CNTNAP2: variants seen among roughly 807,000 people sequenced by gnomAD.
The protein encoded by CNTNAP2 is contactin-associated protein-like 2.
A neutral mutation model predicts 155.2 loss-of-function variants in CNTNAP2; 98 were observed. The ratio of observed to expected loss-of-function variants is 0.63; its 90% CI spans 0.54 to 0.75. The LOEUF (loss-of-function observed/expected upper bound fraction) is 0.75. Ranked by LOEUF, CNTNAP2 falls within the 30% of genes least tolerant of loss-of-function variation. CNTNAP2 has a pLI of 0.00. For synonymous variants in CNTNAP2, 651 were observed against 631.2 expected (o/e 1.03, Z -0.47); for missense variants, 1,727 against 1,688.1 (o/e 1.02, Z -0.40).
At chr7:146,979,654 A>G (rs555266339) in intron 3 of CNTNAP2, among the ~76,000 whole-genome samples, 3 of 152,160 alleles carry the variant, frequency 2.0e-5, no homozygotes, top group Non-Finnish European at 2.9e-5. Flanking sequence ...GTGTTGAGCC[A>G]TAAGTCCAAA....
chr7:146,619,912 A>C (rs1799289685), intron 1 of CNTNAP2, among the ~76,000 whole-genome samples: 1 of 152,210 alleles, frequency 6.6e-6, no homozygotes, highest in Admixed American at 6.5e-5. Flanking sequence ...GGATCCACAC[A>C]GTGCTGGAGA....
At chr7:146,317,422 T>C (rs56389912) in intron 1 of CNTNAP2, among the ~76,000 whole-genome samples, 2,931 of 152,308 alleles carry the variant, frequency 0.019, 87 homozygotes, top group African/African-American at 0.063. Flanking sequence ...TTTTCCTGCA[T>C]GTTGTACCTG....
chr7:146,491,262 C>A (rs1031153068), intron 1 of CNTNAP2, among the ~76,000 whole-genome samples: 5 of 152,020 alleles, frequency 3.3e-5, no homozygotes, highest in Non-Finnish European at 7.4e-5. Context: ...TGTATTGCCC[C>A]TTTTATCCCA....
At chr7:146,940,497 A>AT (rs763188376) in intron 3 of CNTNAP2, among the ~76,000 whole-genome samples, 6 of 151,794 alleles carry the variant, frequency 4.0e-5, no homozygotes, top group Non-Finnish European at 7.4e-5. Context: ...CCAGCCCCTT[A>AT]TTTTTTTAAC....
At chr7:147,408,483 G>A (rs574144452) in intron 10 of CNTNAP2, among the ~76,000 whole-genome samples, 16 of 152,334 alleles carry the variant, frequency 1.1e-4, no homozygotes, top group Non-Finnish European at 2.1e-4. Context: ...CCTTGCGGCC[G>A]GGTGTGGTGG....
intron 14 of CNTNAP2, among the ~76,000 whole-genome samples, chr7:147,920,064 A>G (rs1476138651): frequency 6.6e-6 from 1 of 151,776 alleles, no homozygotes; most frequent in Non-Finnish European, 1.5e-5. Context: ...AGAAACCTTA[A>G]AAAGTATGCC....
intron 1 of CNTNAP2, among the ~76,000 whole-genome samples, chr7:146,516,647 C>T (rs1797545992): frequency 6.6e-6 from 1 of 151,890 alleles, no homozygotes; most frequent in South Asian, 2.1e-4. Flanking sequence ...TCTCTTGACT[C>T]TGCAACTAAC....
intron 5 of CNTNAP2, among the ~76,000 whole-genome samples, chr7:147,113,198 T>C (rs1800918496): frequency 6.6e-6 from 1 of 152,072 alleles, no homozygotes; most frequent in African/African-American, 2.4e-5. Context: ...CATTCTCTGA[T>C]GGTACAGAGA....
At chr7:146,505,173 C>G (rs560134485) in intron 1 of CNTNAP2, among the ~76,000 whole-genome samples, 1 of 152,210 alleles carries the variant, frequency 6.6e-6, no homozygotes, top group Non-Finnish European at 1.5e-5. Context: ...CAGTTTTCCA[C>G]AGAAGCTGGA....
At chr7:146,739,506 A>G (rs1053311657) in intron 1 of CNTNAP2, among the ~76,000 whole-genome samples, 3 of 152,020 alleles carry the variant, frequency 2.0e-5, no homozygotes, top group Admixed American at 6.5e-5. Context: ...GTTTTATATT[A>G]TTATAGTCAT....
intron 2 of CNTNAP2, among the ~76,000 whole-genome samples, chr7:146,839,064 CAA>C (rs975637587): frequency 1.3e-5 from 2 of 151,928 alleles, no homozygotes; most frequent in Non-Finnish European, 2.9e-5. Context: ...TATATTTTGC[CAA>C]AAGAGATTTA....
intron 1 of CNTNAP2, among the ~76,000 whole-genome samples, chr7:146,508,920 C>G (rs752881829): frequency 6.6e-6 from 1 of 152,126 alleles, no homozygotes; most frequent in South Asian, 2.1e-4. Context: ...TGAGATGGCC[C>G]CCTGCAGAAG....
chr7:146,894,373 C>A (rs912688890), intron 3 of CNTNAP2, among the ~76,000 whole-genome samples: 3 of 152,242 alleles, frequency 2.0e-5, no homozygotes, highest in African/African-American at 4.8e-5. Context: ...CCAAATTAAT[C>A]TTTTGCTCCT....
At chr7:146,590,875 T>C (rs1367059134) in intron 1 of CNTNAP2, among the ~76,000 whole-genome samples, 3 of 152,244 alleles carry the variant, frequency 2.0e-5, no homozygotes, top group African/African-American at 4.8e-5. Context: ...GTGATGCTAC[T>C]GTGTTAGTCA....
chr7:146,235,242 G>A (rs1438588414), intron 1 of CNTNAP2, among the ~76,000 whole-genome samples: 1 of 149,602 alleles, frequency 6.7e-6, no homozygotes, highest in African/African-American at 2.5e-5. Context: ...TTTTTTAATT[G>A]GGAATCTTAG....
intron 13 of CNTNAP2, among the ~76,000 whole-genome samples, chr7:147,851,041 T>A (rs1798929425): frequency 6.6e-6 from 1 of 152,110 alleles, no homozygotes; most frequent in African/African-American, 2.4e-5. Context: ...AGGGCTAATA[T>A]CCAGAATCTA....
chr7:146,600,559 G>T (rs549067492), intron 1 of CNTNAP2, among the ~76,000 whole-genome samples: 1 of 151,968 alleles, frequency 6.6e-6, no homozygotes, highest in Non-Finnish European at 1.5e-5. Flanking sequence ...ATATCTGTTT[G>T]TAATGTTTTG....
intron 9 of CNTNAP2, among the ~76,000 whole-genome samples, chr7:147,386,683 T>C (rs1300973285): frequency 6.6e-6 from 1 of 152,180 alleles, no homozygotes; most frequent in Non-Finnish European, 1.5e-5. Context: ...AACAAGTCTC[T>C]AAGGAGTTCC....
At chr7:146,967,569 C>T (rs538252283) in intron 3 of CNTNAP2, among the ~76,000 whole-genome samples, 1 of 152,162 alleles carries the variant, frequency 6.6e-6, no homozygotes, top group Non-Finnish European at 1.5e-5. Context: ...CTCTTTGAAG[C>T]AATTGTGAAT....
Sources: allele counts gnomAD v4.1 joint callset (sites outside exome capture counted in the v4.1 genomes callset), GRCh38; gene constraint gnomAD v4.1.1; transcripts MANE v1.5; gene names NCBI Gene and HGNC (gene_info 2026-07-23, HGNC 2026-07-21).